The following ATP10A variants were observed in gnomAD, a reference collection of about 807,000 sequenced individuals.
ATP10A encodes the protein phospholipid-transporting ATPase VA.
ATP10A carries 111 observed loss-of-function variants against 147.8 expected under a neutral mutation model. The observed-to-expected ratio is 0.75, with a 90% CI of 0.64 to 0.88. The LOEUF is 0.88. ATP10A is among the 40% of genes least tolerant of loss of function. The pLI is 0.00. For synonymous variants in ATP10A, 875 were observed against 841.6 expected, an observed-to-expected ratio of 1.04 and a Z score of -0.69; for missense variants, 1,927 against 1,959.0, an observed-to-expected ratio of 0.98 and a Z score of 0.31.
chr15:25,687,835 A>G lies in ATP10A; in HGVS notation c.3166-7T>C, dbSNP rs779235163. 5 of 1,613,684 alleles carry G rather than the reference A, an allele frequency of 3.1e-6. No individual in the cohort carries two copies. The East Asian group carries it at 1.1e-4, about 36-fold the overall frequency. On this transcript the variant is annotated splice_region_variant and splice_polypyrimidine_tract_variant and intron_variant, in intron 15 of 20. Transcript: ENST00000555815. ...AGTCGCTGGCCATCACTGCCTTCAA[A>G]GGGAGAGGGATTCCTGTTACTGGTG...
intron 1 of ATP10A, among the ~76,000 whole-genome samples, chr15:25,810,421 A>T (rs1234119602): frequency 6.6e-6 from 1 of 152,172 alleles, no homozygotes; most frequent in African/African-American, 2.4e-5. Context: ...CGAGGTTCTT[A>T]TGGTTCCTTT....
At chr15:25,726,269 A>T (rs1902541386) in intron 4 of ATP10A, among the ~76,000 whole-genome samples, 187 bp from the exon 5 acceptor site, 2 of 152,280 alleles carry the variant, frequency 1.3e-5, no homozygotes, top group Middle Eastern at 6.8e-3. Flanking sequence ...ATAAAATAAA[A>T]TGAAATTAAT....
At chr15:25,815,701 T>C (rs2140831537) in intron 1 of ATP10A, among the ~76,000 whole-genome samples, 1 of 119,736 alleles carries the variant, frequency 8.4e-6, no homozygotes, top group Admixed American at 8.6e-5. Context: ...TTCCATTTTC[T>C]GCACATGTGA....
intron 5 of ATP10A, 29 bp downstream of exon 5, chr15:25,725,922 C>T: frequency 6.3e-7 from 1 of 1,590,146 alleles, no homozygotes; most frequent in Non-Finnish European, 8.6e-7. Context: ...CTGGCCCCCA[C>T]TCATTTCCGA....
chr15:25,700,742 C>A (rs958378388), intron 13 of ATP10A, among the ~76,000 whole-genome samples: 1 of 151,926 alleles, frequency 6.6e-6, no homozygotes, highest in East Asian at 1.9e-4. Flanking sequence ...TCTCCTGGAC[C>A]GTGGATAGGG....
At chr15:25,781,307 G>T in intron 1 of ATP10A, 84 bp from the exon 2 acceptor site, 1 of 1,172,290 alleles carries the variant, frequency 8.5e-7, no homozygotes, top group Non-Finnish European at 1.2e-6. Context: ...GGCTCATATG[G>T]CAATTCTTTC....
At position 25,718,305 on chromosome 15, in the gene ATP10A, G is replaced by T; in HGVS notation, c.1458C>A (p.Ser486Arg). ...TGTGCACCACCCGGACACTCTGGTG[G>T]CTGCCGATGCTGCCGCGCTGGGACA... ...GSVSQRGSIGSHQSVRVVHRT... is the reference protein window; with the variant it reads ...GSVSQRGSIGRHQSVRVVHRT... Residue 486 changes from serine (S) to arginine (R), a missense_variant, in exon 8 of 21, where the codon AGC becomes AGA. Transcript: ENST00000555815. The T allele has an allele frequency of 6.2e-7, 1 of 1,610,874 alleles. No individual in the cohort carries two copies. The highest frequency in any genetic ancestry group is 2.2e-5 in the East Asian group (1 of 44,850).
At chr15:25,805,277 G>A (rs912441069) in intron 1 of ATP10A, among the ~76,000 whole-genome samples, 1 of 152,196 alleles carries the variant, frequency 6.6e-6, no homozygotes, top group Admixed American at 6.5e-5. Context: ...CCCTCCAAGG[G>A]ACTGGAGCCA....
intron 1 of ATP10A, among the ~76,000 whole-genome samples, chr15:25,783,046 C>G (rs111974146): frequency 6.6e-6 from 1 of 151,904 alleles, no homozygotes. Context: ...CATGGTGGCA[C>G]GAGCCTGTAG....
intron 1 of ATP10A, among the ~76,000 whole-genome samples, chr15:25,797,645 G>A (rs1026755072): frequency 6.6e-6 from 1 of 152,144 alleles, no homozygotes; most frequent in Non-Finnish European, 1.5e-5. Flanking sequence ...GCCCCTCCTC[G>A]GGGGACAGCC....
At chr15:25,729,225 G>A (rs1043996103) in intron 3 of ATP10A, among the ~76,000 whole-genome samples, 2 of 152,100 alleles carry the variant, frequency 1.3e-5, no homozygotes, top group Non-Finnish European at 2.9e-5. Flanking sequence ...GGTGGCTCAC[G>A]CCTGTAATCC....
chr15:25,802,100 C>A (rs535962865), intron 1 of ATP10A, among the ~76,000 whole-genome samples: 1 of 151,824 alleles, frequency 6.6e-6, no homozygotes, highest in Non-Finnish European at 1.5e-5. Context: ...TGTGTTGACT[C>A]GGTAAAATGT....
chr15:25,676,970 T>C (rs1353917879), downstream of ATP10A, among the ~76,000 whole-genome samples: 1 of 152,202 alleles, frequency 6.6e-6, no homozygotes, highest in Non-Finnish European at 1.5e-5. Context: ...TCTTTGATTC[T>C]TCAAACATTT....
chr15:25,679,318 T>TA lies in ATP10A; in HGVS notation c.*22dup. 7.3e-7 allele frequency: 1 copy of TA among 1,369,944 alleles called. No homozygotes were observed. The highest frequency in any genetic ancestry group is 9.5e-7 in the Non-Finnish European group (1 of 1,049,964). 84.9% of individuals were successfully genotyped at this position (1,369,944 alleles called of 1,614,324 possible). A position where few individuals can be genotyped will look rare whatever the true frequency, so the allele number is the denominator to read the frequency against. ...AATATTAACATTTATTTATATATATTAAAAAAGGCCATTTCAAGGTTTTCA... is the reference window on the plus strand; with the variant it reads ...AATATTAACATTTATTTATATATATTAAAAAAAGGCCATTTCAAGGTTTTCA... On this transcript the variant is annotated 3_prime_UTR_variant, in exon 21 of 21. Coordinates refer to ENST00000555815, the MANE Select transcript of ATP10A (RefSeq NM_024490.4).
chr15:25,712,176 G>C (rs558222599), intron 10 of ATP10A, among the ~76,000 whole-genome samples: 1 of 152,182 alleles, frequency 6.6e-6, no homozygotes, highest in African/African-American at 2.4e-5. Context: ...GTAATTTTTT[G>C]GGGGGGACGG....
chr15:25,831,584 G>A (rs148778692), intron 1 of ATP10A, among the ~76,000 whole-genome samples: 126 of 152,252 alleles, frequency 8.3e-4, no homozygotes, highest in African/African-American at 2.9e-3. Context: ...CATATGGATC[G>A]ATATTTTGTG....
At chr15:25,718,074 G>A in intron 8 of ATP10A, 108 bp downstream of exon 8, 2 of 1,216,886 alleles carry the variant, frequency 1.6e-6, no homozygotes, top group Non-Finnish European at 2.3e-6. Context: ...AAGCCGCCCA[G>A]CGACAGTGTA....
intron 1 of ATP10A, among the ~76,000 whole-genome samples, chr15:25,827,144 G>T (rs1892151384): frequency 6.6e-6 from 1 of 152,162 alleles, no homozygotes; most frequent in Non-Finnish European, 1.5e-5. Flanking sequence ...AATAAAGACT[G>T]CCAGTCGCTA....
chr15:25,858,281 C>G (rs997560824), intron 1 of ATP10A, among the ~76,000 whole-genome samples: 2 of 152,104 alleles, frequency 1.3e-5, no homozygotes, highest in Non-Finnish European at 2.9e-5. Context: ...ACCTTTTACC[C>G]AAATGACAGA....
Sources: gnomAD v4.1 joint callset for allele counts (sites outside exome capture counted in the v4.1 genomes callset) on GRCh38, gnomAD v4.1.1 for gene constraint, MANE v1.5 for transcripts, NCBI Gene and HGNC (gene_info 2026-07-23, HGNC 2026-07-21) for gene names.